The following TC2N variants were observed in gnomAD, a reference collection of about 807,000 sequenced individuals.
The protein encoded by TC2N is tandem C2 domains, nuclear, also known as tandem C2 domains nuclear protein.
In TC2N, 51 loss-of-function variants were observed where a neutral mutation model predicts 61.9. The ratio of observed to expected loss-of-function variants is 0.82; its 90% CI spans 0.66 to 1.04. The LOEUF (loss-of-function observed/expected upper bound fraction) is 1.04, where lower values mean the gene tolerates loss of function less well. Among genes scored for constraint, TC2N ranks in the 50% least tolerant of loss-of-function variants. The pLI is 0.00. For missense variants in TC2N, 556 were observed against 566.7 expected, an observed-to-expected ratio of 0.98 and a Z score of 0.19; for synonymous variants, 204 against 192.6, an observed-to-expected ratio of 1.06 and a Z score of -0.49.
intron 1 of TC2N, among the ~76,000 whole-genome samples, chr14:91,860,331 C>CAAA (rs34305755): frequency 8.0e-6 from 1 of 125,506 alleles, no homozygotes; most frequent in African/African-American, 3.0e-5. Context: ...CATTTCCTTG[C>CAAA]AAAAAAAAAA....
intron 3 of TC2N, among the ~76,000 whole-genome samples, chr14:91,806,012 G>A (rs1886492297): frequency 6.6e-6 from 1 of 152,182 alleles, no homozygotes; most frequent in Non-Finnish European, 1.5e-5. Context: ...CATGGGGACA[G>A]TTTCCCCCAG....
At position 91,783,209 on chromosome 14, in the gene TC2N, A is replaced by G; in HGVS notation, c.1364T>C (p.Ile455Thr). The G allele has an allele frequency of 6.4e-7, 1 of 1,557,578 alleles. No individual in the cohort carries two copies. Among genetic ancestry groups the G allele is most frequent in the Non-Finnish European group, 8.8e-7 (1 of 1,130,674 alleles). ...GTTATTACTGTCTTCACTTATCCAA[A>G]TCTGTAAAGGAAAGTATGTACAATC... is the stretch of plus-strand genomic sequence containing the variant. Reference protein sequence around the residue: ...SVRRKHFVGQIWISEDSNNIE... With the variant: ...SVRRKHFVGQTWISEDSNNIE... The change falls in exon 12 of 12, where the codon ATT (isoleucine) becomes ACT (threonine). Residue 455 changes from isoleucine to threonine, a missense_variant and splice_region_variant. Transcript: ENST00000435962.
chr14:91,830,804 G>A (rs769558581), intron 1 of TC2N, among the ~76,000 whole-genome samples: 6 of 152,088 alleles, frequency 3.9e-5, no homozygotes, highest in Non-Finnish European at 7.4e-5. Context: ...GGTCTGTTTG[G>A]TGGTCACAAC....
At position 91,782,965 on chromosome 14, in the gene TC2N, T is replaced by C. The variant is rs1338761711; in HGVS notation, c.*135A>G. 2 of 516,332 alleles carry C rather than the reference T, an allele frequency of 3.9e-6. No individual in the cohort carries two copies. Among genetic ancestry groups the C allele is most frequent in the Non-Finnish European group, 6.9e-6 (2 of 291,710 alleles). 32.0% of individuals were successfully genotyped at this position (516,332 alleles called of 1,614,324 possible). On this transcript the variant is annotated 3_prime_UTR_variant, in exon 12 of 12. Coordinates refer to ENST00000435962, the MANE Select transcript of TC2N (RefSeq NM_001128596.3). Reference sequence around the variant, plus strand: ...TTTTCTTATCAAATTTTCTATCAGATACATTATATACCATAATTATAGCCC... The same window carrying C: ...TTTTCTTATCAAATTTTCTATCAGACACATTATATACCATAATTATAGCCC...
At chr14:91,854,506 G>T (rs1332683140) in intron 1 of TC2N, among the ~76,000 whole-genome samples, 3 of 87,450 alleles carry the variant, frequency 3.4e-5, no homozygotes, top group Non-Finnish European at 7.1e-5. Flanking sequence ...AGGAGAAGGA[G>T]GTGGAGGAGG....
At chr14:91,814,581 GGA>G (rs902112954) in intron 1 of TC2N, among the ~76,000 whole-genome samples, 20 of 151,144 alleles carry the variant, frequency 1.3e-4, no homozygotes, top group African/African-American at 4.8e-4. Flanking sequence ...GGTAAGAAAA[GGA>G]GAGGGGAAAA....
chr14:91,795,797 CTTG>C (rs1318088234), intron 8 of TC2N, among the ~76,000 whole-genome samples: 1 of 151,994 alleles, frequency 6.6e-6, no homozygotes, highest in Non-Finnish European at 1.5e-5. Context: ...AACTGTTACT[CTTG>C]TTGTAATAGC....
intron 1 of TC2N, among the ~76,000 whole-genome samples, chr14:91,842,640 A>G (rs1345877548): frequency 6.6e-6 from 1 of 152,230 alleles, no homozygotes; most frequent in African/African-American, 2.4e-5. Context: ...CCCTGAAGAA[A>G]TAGCTATCCA....
intron 1 of TC2N, among the ~76,000 whole-genome samples, chr14:91,847,578 T>C (rs1435890665): frequency 1.3e-5 from 2 of 152,216 alleles, no homozygotes; most frequent in Non-Finnish European, 2.9e-5. Flanking sequence ...ATAAGGCCCA[T>C]GACCTTCACA....
intron 1 of TC2N, among the ~76,000 whole-genome samples, chr14:91,824,659 T>C (rs973872275): frequency 6.6e-6 from 1 of 152,212 alleles, no homozygotes; most frequent in Non-Finnish European, 1.5e-5. Context: ...AGACAAGCTT[T>C]TGGAGCGCTT....
chr14:91,863,443 T>C (rs1888633657), intron 1 of TC2N, among the ~76,000 whole-genome samples: 1 of 152,164 alleles, frequency 6.6e-6, no homozygotes, highest in African/African-American at 2.4e-5. Context: ...AGGGGTAAAC[T>C]TCAGGAAAGT....
chr14:91,832,062 A>C (rs1887796537), intron 1 of TC2N, among the ~76,000 whole-genome samples: 1 of 152,216 alleles, frequency 6.6e-6, no homozygotes, highest in South Asian at 2.1e-4. Context: ...AGGGATTCAC[A>C]TCCAGAATAT....
chr14:91,785,575 A>G (rs529018650), intron 10 of TC2N, among the ~76,000 whole-genome samples: 2 of 152,282 alleles, frequency 1.3e-5, no homozygotes, highest in South Asian at 4.1e-4. Context: ...GTAACTTTAA[A>G]TGAACTTAAT....
At chr14:91,812,093 A>G (rs752189416) in intron 3 of TC2N, 22 of 271,310 alleles carry the variant, frequency 8.1e-5, no homozygotes, top group Non-Finnish European at 1.2e-4. Flanking sequence ...TATTTCTTGA[A>G]AAAAGGCCAA....
chr14:91,783,767 C>A (rs143070799), intron 11 of TC2N, among the ~76,000 whole-genome samples: 3 of 152,014 alleles, frequency 2.0e-5, no homozygotes, highest in African/African-American at 4.8e-5. Flanking sequence ...GCAAATTGTA[C>A]AAAAGACATC....
intron 2 of TC2N, among the ~76,000 whole-genome samples, chr14:91,813,040 AG>A (rs1886851966): frequency 6.6e-6 from 1 of 151,836 alleles, no homozygotes; most frequent in African/African-American, 2.4e-5. Context: ...TGCTATCTGT[AG>A]ACTGAAAGTA....
chr14:91,789,121 C>G (rs1885510223), intron 9 of TC2N, among the ~76,000 whole-genome samples: 1 of 152,030 alleles, frequency 6.6e-6, no homozygotes, highest in Non-Finnish European at 1.5e-5. Flanking sequence ...AATGTAATAA[C>G]ACTTATGAAA....
chr14:91,786,607 A>T (rs1348726142), intron 10 of TC2N, among the ~76,000 whole-genome samples: 1 of 152,166 alleles, frequency 6.6e-6, no homozygotes, highest in African/African-American at 2.4e-5. Context: ...TGAATTTCTC[A>T]GAAAGTCATT....
At chr14:91,842,267 G>A (rs1385192789) in intron 1 of TC2N, among the ~76,000 whole-genome samples, 1 of 151,770 alleles carries the variant, frequency 6.6e-6, no homozygotes, top group Admixed American at 6.6e-5. Context: ...TTACAGGCAT[G>A]AGCCTCCACG....
Sources: allele counts gnomAD v4.1 joint callset (sites outside exome capture counted in the v4.1 genomes callset), GRCh38; gene constraint gnomAD v4.1.1; transcripts MANE v1.5; gene names NCBI Gene and HGNC (gene_info 2026-07-23, HGNC 2026-07-21).